CALN1: variants seen among roughly 807,000 people sequenced by gnomAD.
The protein encoded by CALN1 is calcium-binding protein 8.
In CALN1, 17 loss-of-function variants were observed where a neutral mutation model predicts 30.6. The observed-to-expected ratio is 0.56, with a 90% CI of 0.38 to 0.83. The LOEUF is 0.83. Ranked by LOEUF, CALN1 falls within the 40% of genes least tolerant of loss-of-function variation. The pLI is 0.00. For synonymous variants in CALN1, 156 were observed against 131.4 expected (o/e 1.19, Z -1.28); for missense variants, 291 against 354.9 (o/e 0.82, Z 1.45).
At chr7:71,818,827 A>T (rs938935850) in intron 5 of CALN1, among the ~76,000 whole-genome samples, 2 of 151,684 alleles carry the variant, frequency 1.3e-5, no homozygotes, top group Admixed American at 1.3e-4. Context: ...CTCCTGCCTC[A>T]GCCTCCCGAG....
intron 5 of CALN1, among the ~76,000 whole-genome samples, chr7:71,819,532 C>T (rs2116305588): frequency 6.6e-6 from 1 of 152,292 alleles, no homozygotes; most frequent in South Asian, 2.1e-4. Context: ...AGTTCTGTGG[C>T]ATTAAGTACT....
At chr7:72,255,915 A>G (rs1452521945) in intron 3 of CALN1, among the ~76,000 whole-genome samples, 1 of 151,920 alleles carries the variant, frequency 6.6e-6, no homozygotes, top group Non-Finnish European at 1.5e-5. Context: ...TTTTTAGTAG[A>G]AATGAGGTTT....
At chr7:71,820,146 TA>T (rs2116310866) in intron 5 of CALN1, among the ~76,000 whole-genome samples, 1 of 152,306 alleles carries the variant, frequency 6.6e-6, no homozygotes, top group South Asian at 2.1e-4. Flanking sequence ...ATCTGCATAA[TA>T]AAACCTTGGT....
intron 1 of CALN1, among the ~76,000 whole-genome samples, chr7:72,429,369 C>T (rs1047220371): frequency 6.6e-5 from 10 of 152,230 alleles, no homozygotes; most frequent in African/African-American, 2.2e-4. Context: ...GCAAATGGCT[C>T]GTCGAAAATA....
chr7:72,430,412 T>A (rs1211678325), intron 1 of CALN1, among the ~76,000 whole-genome samples: 1 of 151,864 alleles, frequency 6.6e-6, no homozygotes, highest in Non-Finnish European at 1.5e-5. Flanking sequence ...GAAATTATGA[T>A]GTTTAAGGTT....
chr7:72,156,170 CAAGGAGAACCTGGAAGGCCAT>C (rs763120647), intron 3 of CALN1, among the ~76,000 whole-genome samples: 31 of 152,088 alleles, frequency 2.0e-4, no homozygotes, highest in Non-Finnish European at 3.8e-4. Context: ...GAGGACAAAC[CAAGGAGAACCTGGAAGGCCAT>C]CAGGGTCCAG....
intron 5 of CALN1, among the ~76,000 whole-genome samples, chr7:71,834,277 T>A (rs181182313): frequency 1.0e-5 from 1 of 97,860 alleles, no homozygotes; most frequent in Admixed American, 1.1e-4. Context: ...ATTACATAAA[T>A]GACACAGAGT....
chr7:72,463,035 A>G, the CALN1 span, among the ~76,000 whole-genome samples: 1 of 152,222 alleles, frequency 6.6e-6, no homozygotes, highest in South Asian at 2.1e-4. Context: ...TCTCACCTCC[A>G]TGCTGTGGGG....
intron 5 of CALN1, among the ~76,000 whole-genome samples, chr7:71,844,760 A>C (rs1197196337): frequency 1.3e-5 from 2 of 152,252 alleles, no homozygotes; most frequent in African/African-American, 4.8e-5. Flanking sequence ...TGTCAAAAGC[A>C]GGGAAGAAAT....
chr7:72,169,514 A>G (rs1353187539), intron 3 of CALN1, among the ~76,000 whole-genome samples: 1 of 145,112 alleles, frequency 6.9e-6, no homozygotes, highest in East Asian at 2.1e-4. Context: ...TCAGATACAG[A>G]ATCTTTCTAT....
intron 2 of CALN1, among the ~76,000 whole-genome samples, chr7:72,395,171 G>A (rs1020573682): frequency 9.2e-5 from 14 of 152,180 alleles, no homozygotes; most frequent in Non-Finnish European, 1.3e-4. Flanking sequence ...ATGCAGCACT[G>A]TACCTGGCAC....
At chr7:72,309,438 C>G (rs7782735) in intron 2 of CALN1, among the ~76,000 whole-genome samples, 2,457 of 152,176 alleles carry the variant, frequency 0.016, 34 homozygotes, top group African/African-American at 0.033. Context: ...GCACATGTCC[C>G]GTGCAAGGTC....
chr7:71,930,951 T>C (rs1030983350), intron 5 of CALN1, among the ~76,000 whole-genome samples: 1 of 152,232 alleles, frequency 6.6e-6, no homozygotes, highest in African/African-American at 2.4e-5. Flanking sequence ...ACACCGTACA[T>C]GTTTCTAGAC....
intron 5 of CALN1, among the ~76,000 whole-genome samples, chr7:71,860,829 T>G (rs1480681857): frequency 6.6e-6 from 1 of 152,046 alleles, no homozygotes; most frequent in Non-Finnish European, 1.5e-5. Context: ...CAGGGATGAT[T>G]AATGCCTGAA....
At chr7:72,448,432 TC>T (rs761361691), upstream of CALN1, among the ~76,000 whole-genome samples, 28 of 152,120 alleles carry the variant, frequency 1.8e-4, no homozygotes, top group East Asian at 4.3e-3. Flanking sequence ...GAGACCCCCT[TC>T]CCACGCTGCC....
At chr7:72,135,959 C>A (rs1478591427) in intron 3 of CALN1, among the ~76,000 whole-genome samples, 1 of 151,854 alleles carries the variant, frequency 6.6e-6, no homozygotes, top group African/African-American at 2.4e-5. Flanking sequence ...ATAGTAAAAC[C>A]CCATCTCTAC....
intron 2 of CALN1, among the ~76,000 whole-genome samples, chr7:72,309,050 A>C (rs1799859154): frequency 6.6e-6 from 1 of 152,200 alleles, no homozygotes; most frequent in African/African-American, 2.4e-5. Context: ...CAGGCCAATT[A>C]AATAACTGGT....
intron 2 of CALN1, among the ~76,000 whole-genome samples, chr7:72,368,282 A>G (rs1232737495): frequency 1.3e-5 from 2 of 149,728 alleles, no homozygotes; most frequent in Non-Finnish European, 3.0e-5. Flanking sequence ...AGTGCTGGTA[A>G]CGTAGATATA....
At chr7:71,962,429 G>A (rs1004642215) in intron 5 of CALN1, among the ~76,000 whole-genome samples, 1 of 152,048 alleles carries the variant, frequency 6.6e-6, no homozygotes, top group African/African-American at 2.4e-5. Flanking sequence ...GTGAGCAGAA[G>A]CCAATTACCT....
Sources: gnomAD v4.1 joint callset for allele counts (sites outside exome capture counted in the v4.1 genomes callset) on GRCh38, gnomAD v4.1.1 for gene constraint, MANE v1.5 for transcripts, NCBI Gene and HGNC (gene_info 2026-07-23, HGNC 2026-07-21) for gene names.